Variants in PPT1 observed in about 807,000 individuals in gnomAD.
The protein encoded by PPT1 is palmitoyl-protein thioesterase 1.
Under a neutral mutation model 44.0 loss-of-function variants are expected in PPT1, and 24 were observed. The observed-to-expected ratio is 0.54, with a 90% CI of 0.39 to 0.77. PPT1 has a LOEUF of 0.77. PPT1 is among the 30% of genes least tolerant of loss of function. PPT1 has a pLI of 0.00. For synonymous variants in PPT1, 148 were observed against 140.2 expected (o/e 1.06, Z -0.39); for missense variants, 341 against 378.8 (o/e 0.90, Z 0.83).
In PPT1 at chr1:40,096,431, A is replaced by G. The variant is rs767763037; in HGVS notation, c.124+684T>C. Among the ~76,000 whole-genome samples the G allele has an allele frequency of 3.6e-4, 55 of 150,994 alleles. 2 individuals carry two copies. Among genetic ancestry groups the G allele is most frequent in the African/African-American group, 4.8e-5 (2 of 41,392 alleles). ...ATAGGTTGAGCATCCTAATCTGAAAATGGGAAACCCAAAATCTGAAAGTTT... is the reference window on the plus strand; with the variant it reads ...ATAGGTTGAGCATCCTAATCTGAAAGTGGGAAACCCAAAATCTGAAAGTTT... On this transcript the variant is annotated intron_variant, in intron 1 of 8. Transcript: ENST00000642050.
intron 6 of PPT1, 30 bp downstream of exon 6, chr1:40,080,367 C>G: frequency 4.4e-6 from 7 of 1,596,656 alleles, no homozygotes; most frequent in Non-Finnish European, 6.0e-6. Flanking sequence ...AAAGAACGCA[C>G]ATCTATGGGA....
chr1:40,089,684 G>A, intron 4 of PPT1, 172 bp from the exon 5 acceptor site: 2 of 681,914 alleles, frequency 2.9e-6, no homozygotes, highest in Non-Finnish European at 5.4e-6. Context: ...CTTCCTCCTG[G>A]TGCTGCTACA....
At chr1:40,080,734 C>T (rs536604803) in intron 5 of PPT1, among the ~76,000 whole-genome samples, 3 of 152,290 alleles carry the variant, frequency 2.0e-5, no homozygotes, top group African/African-American at 7.2e-5. Flanking sequence ...ATTAGCCAGG[C>T]GCGGCGGCAG....
intron 1 of PPT1, among the ~76,000 whole-genome samples, chr1:40,095,297 C>T (rs1426761230): frequency 6.6e-6 from 1 of 152,188 alleles, no homozygotes; most frequent in Non-Finnish European, 1.5e-5. Flanking sequence ...TCCTCATTTC[C>T]TCCACCTCCA....
intron 5 of PPT1, among the ~76,000 whole-genome samples, chr1:40,082,851 A>G (rs183052682): frequency 6.6e-6 from 1 of 152,366 alleles, no homozygotes; most frequent in Non-Finnish European, 1.5e-5. Context: ...AATTGGAAGA[A>G]GATGCCATCT....
chr1:40,094,004 G>C (rs1410438021), intron 1 of PPT1: 1 of 711,750 alleles, frequency 1.4e-6, no homozygotes. Context: ...ACCAGTTTGG[G>C]CAACATAACG....
At chr1:40,088,143 CTTTTT>C (rs869306144) in intron 5 of PPT1, among the ~76,000 whole-genome samples, 1 of 139,724 alleles carries the variant, frequency 7.2e-6, no homozygotes, top group Admixed American at 7.2e-5. Flanking sequence ...ACCATCAAAA[CTTTTT>C]TTTTTTTTTT....
chr1:40,077,457 C>T (rs550597414), intron 7 of PPT1, among the ~76,000 whole-genome samples: 39 of 152,262 alleles, frequency 2.6e-4, no homozygotes, highest in Non-Finnish European at 4.6e-4. Context: ...CTTTATATGT[C>T]CAAATACTTG....
At chr1:40,083,563 G>A (rs975868975) in intron 5 of PPT1, among the ~76,000 whole-genome samples, 1 of 152,188 alleles carries the variant, frequency 6.6e-6, no homozygotes, top group African/African-American at 2.4e-5. Context: ...TGATGGAGAT[G>A]TACAAAGAGA....
intron 8 of PPT1, among the ~76,000 whole-genome samples, chr1:40,074,831 T>G (rs897287982): frequency 1.3e-5 from 2 of 152,194 alleles, no homozygotes; most frequent in Non-Finnish European, 2.9e-5. Flanking sequence ...TGTTCTAGAT[T>G]CTGATTTTTG....
intron 5 of PPT1, among the ~76,000 whole-genome samples, chr1:40,083,493 A>T (rs780480563): frequency 6.6e-6 from 1 of 152,116 alleles, no homozygotes; most frequent in Non-Finnish European, 1.5e-5. Flanking sequence ...TTTAAAAACA[A>T]ACTCAAAAAA....
At position 40,073,858 on chromosome 1, in the gene PPT1, C is replaced by CT; in HGVS notation, c.*202dup. 1 of 726,526 alleles carries CT rather than the reference C, an allele frequency of 1.4e-6. No homozygotes were observed. The highest frequency in any genetic ancestry group is 2.3e-6 in the Non-Finnish European group (1 of 434,078). The allele number at this position is 726,526 out of a possible 1,614,324, so 45.0% of individuals were successfully genotyped here. On this transcript the variant is annotated 3_prime_UTR_variant, in exon 9 of 9. Transcript: ENST00000642050. ...TAAAACAATCTCCATGGTAATTAAA[C>CT]TTGCATTCAACACCATATGGTAACA...
In PPT1 at chr1:40,089,447, G is replaced by C. The variant is rs1263303183; in HGVS notation, c.499C>G (p.Leu167Val). ...SHICDFIRKT[L>V]NAGAYSKVVQ... ...ACTTTGGAGTACGCCCCAGCATTCA[G>C]TGTTTTTCGGATGAAGTCACAGATG... is the stretch of plus-strand genomic sequence containing the variant. Residue 167 changes from leucine (L) to valine (V), a missense_variant, in exon 5 of 9, where the codon CTG (leucine) becomes GTG (valine). Leu to Val is a conservative substitution (Grantham distance 32, BLOSUM62 1). Coordinates refer to ENST00000642050, the MANE Select transcript of PPT1 (RefSeq NM_000310.4). 1.9e-6 allele frequency: 3 copies of C among 1,614,104 alleles called. No individual in the cohort carries two copies. The South Asian group carries it at 3.3e-5, about 18-fold the overall frequency.
chr1:40,082,439 CTGAGGAAAATTAGAAGTGT>C (rs1345158894), intron 5 of PPT1: 1 of 151,948 alleles, frequency 6.6e-6, no homozygotes. Context: ...AAAAAAGTTC[CTGAGGAAAATTAGAAGTGT>C]TATTTCAGTG....
At chr1:40,084,075 A>G (rs1220818770) in intron 5 of PPT1, among the ~76,000 whole-genome samples, 1 of 152,130 alleles carries the variant, frequency 6.6e-6, no homozygotes, top group African/African-American at 2.4e-5. Flanking sequence ...ACAAAAATTC[A>G]TGATTCACGG....
chr1:40,095,636 C>T (rs766867272), intron 1 of PPT1, among the ~76,000 whole-genome samples: 3 of 152,120 alleles, frequency 2.0e-5, no homozygotes, highest in South Asian at 2.1e-4. Context: ...TCTTTGGCTC[C>T]TTTCTTTCTC....
chr1:40,079,965 A>C (rs1648835733), intron 6 of PPT1, among the ~76,000 whole-genome samples: 1 of 152,198 alleles, frequency 6.6e-6, no homozygotes, highest in African/African-American at 2.4e-5. Flanking sequence ...GTCAAATATA[A>C]ACTGAGCCAT....
At chr1:40,078,747 C>A in intron 6 of PPT1, 89 bp from the exon 7 acceptor site, 1 of 1,108,070 alleles carries the variant, frequency 9.0e-7, no homozygotes, top group Non-Finnish European at 1.4e-6. Context: ...TCTCCCTGAC[C>A]CTGTGCCACT....
intron 3 of PPT1, 129 bp from the exon 4 acceptor site, chr1:40,091,528 T>C: frequency 1.2e-6 from 1 of 823,748 alleles, no homozygotes. Flanking sequence ...ATTTTCCTGA[T>C]ATGGGCAAAT....
Sources: gnomAD v4.1 joint callset for allele counts (sites outside exome capture counted in the v4.1 genomes callset) on GRCh38, gnomAD v4.1.1 for gene constraint, MANE v1.5 for transcripts, NCBI Gene and HGNC (gene_info 2026-07-23, HGNC 2026-07-21) for gene names.